The following SPAG16 variants were observed in gnomAD, a reference collection of about 807,000 sequenced individuals.
The protein encoded by SPAG16 is sperm associated antigen 16, also known as sperm-associated antigen 16 protein.
A neutral mutation model predicts 80.4 loss-of-function variants in SPAG16; 86 were observed. The observed-to-expected ratio is 1.07, with a 90% CI of 0.90 to 1.28. The LOEUF is 1.28. SPAG16 is among the 50% of genes most tolerant of loss of function. The probability of loss-of-function intolerance (pLI) is 0.00; values close to 1 mark genes in which losing one functional copy is unlikely to be tolerated. For missense variants in SPAG16, 870 were observed against 765.3 expected, an observed-to-expected ratio of 1.14 and a Z score of -1.61; for synonymous variants, 294 against 265.9, an observed-to-expected ratio of 1.11 and a Z score of -1.03.
chr2:214,205,074 C>G (rs919624731), intron 15 of SPAG16, among the ~76,000 whole-genome samples: 4 of 152,008 alleles, frequency 2.6e-5, no homozygotes, highest in Non-Finnish European at 5.9e-5. Flanking sequence ...ACTAAAAATA[C>G]AAAAATTAGC....
intron 10 of SPAG16, among the ~76,000 whole-genome samples, chr2:213,793,978 C>T (rs1030982621): frequency 2.0e-5 from 3 of 152,128 alleles, no homozygotes; most frequent in Non-Finnish European, 4.4e-5. Flanking sequence ...AATTTAACCA[C>T]GTCTTTTGTT....
chr2:213,733,599 G>A (rs1364880565), intron 10 of SPAG16, among the ~76,000 whole-genome samples: 1 of 150,980 alleles, frequency 6.6e-6, no homozygotes, highest in Admixed American at 6.6e-5. Flanking sequence ...CAAGACTATG[G>A]CCTCCAAGAC....
intron 11 of SPAG16, among the ~76,000 whole-genome samples, chr2:213,900,204 G>A (rs904098771): frequency 3.3e-5 from 5 of 152,068 alleles, no homozygotes; most frequent in Non-Finnish European, 5.9e-5. Flanking sequence ...CAGCTCAGAG[G>A]TCAAAAGAAG....
At chr2:213,896,613 C>CACACAT (rs372791800) in intron 11 of SPAG16, among the ~76,000 whole-genome samples, 3 of 141,444 alleles carry the variant, frequency 2.1e-5, no homozygotes, top group Non-Finnish European at 3.1e-5. Context: ...CACACACACA[C>CACACAT]ACATAGATAT....
intron 15 of SPAG16, among the ~76,000 whole-genome samples, chr2:214,246,278 A>T (rs1576586302): frequency 6.6e-6 from 1 of 152,168 alleles, no homozygotes; most frequent in African/African-American, 2.4e-5. Flanking sequence ...TGGCAGATTC[A>T]GATTGTATTT....
At chr2:213,710,931 C>T (rs555494353) in intron 10 of SPAG16, among the ~76,000 whole-genome samples, 1 of 152,182 alleles carries the variant, frequency 6.6e-6, no homozygotes, top group Non-Finnish European at 1.5e-5. Flanking sequence ...AGAAAGTAAA[C>T]AGCATCTTTT....
chr2:213,604,818 TA>T (rs1488902548), intron 10 of SPAG16, among the ~76,000 whole-genome samples: 2 of 151,820 alleles, frequency 1.3e-5, no homozygotes, highest in Non-Finnish European at 2.9e-5. Context: ...AAATTTGTAA[TA>T]TGTACACAAT....
intron 14 of SPAG16, among the ~76,000 whole-genome samples, chr2:214,131,807 G>A (rs556994245): frequency 2.0e-5 from 3 of 152,304 alleles, no homozygotes; most frequent in Non-Finnish European, 4.4e-5. Context: ...GCTGGAGGGA[G>A]GGAGGGATGA....
chr2:213,983,488 C>T (rs947830452), intron 12 of SPAG16, among the ~76,000 whole-genome samples: 1 of 151,904 alleles, frequency 6.6e-6, no homozygotes, highest in Non-Finnish European at 1.5e-5. Flanking sequence ...ATTATAACTG[C>T]TTAATGCACT....
intron 12 of SPAG16, among the ~76,000 whole-genome samples, chr2:213,945,433 CCGAGTCTCAAAA>C (rs1458496438): frequency 6.6e-6 from 1 of 151,770 alleles, no homozygotes; most frequent in Non-Finnish European, 1.5e-5. Context: ...GAGACCCAGT[CCGAGTCTCAAAA>C]CTGAAGAACG....
At chr2:214,297,628 G>A (rs1694229694) in intron 15 of SPAG16, among the ~76,000 whole-genome samples, 2 of 151,826 alleles carry the variant, frequency 1.3e-5, no homozygotes, top group Admixed American at 1.3e-4. Flanking sequence ...GCTGACATTG[G>A]AAAATATAAG....
chr2:213,456,711 A>G (rs6749110), intron 9 of SPAG16, among the ~76,000 whole-genome samples: 3,790 of 151,864 alleles, frequency 0.025, 157 homozygotes, highest in African/African-American at 0.085. Flanking sequence ...TGTTTCTCCA[A>G]ATTCTTCTTT....
At chr2:213,634,522 T>G (rs150796469) in intron 10 of SPAG16, among the ~76,000 whole-genome samples, 195 of 152,350 alleles carry the variant, frequency 1.3e-3, no homozygotes, top group African/African-American at 4.2e-3. Flanking sequence ...GTGAGTTTCA[T>G]ACATTCATGT....
In SPAG16 at chr2:213,489,578, A is replaced by G. The variant is rs182209293; in HGVS notation, c.943-385A>G. 7.4e-4 allele frequency among the ~76,000 whole-genome samples: 113 copies of G among 152,258 alleles called. 2 individuals carry two copies. The highest frequency in any genetic ancestry group is 2.7e-3 in the African/African-American group (111 of 41,498). On this transcript the variant is annotated intron_variant, in intron 9 of 15. Transcript: ENST00000331683. ...TTTAGTCGGCCATTTATAGGGGACA[A>G]AAGGGGCATAAGAATTGTAGACTTT... is the stretch of plus-strand genomic sequence containing the variant.
chr2:214,363,532 C>T (rs1699305935), intron 15 of SPAG16, among the ~76,000 whole-genome samples: 2 of 151,868 alleles, frequency 1.3e-5, no homozygotes, highest in South Asian at 2.1e-4. Context: ...AATTAAAATG[C>T]AATAGGTTAA....
chr2:213,392,408 C>T (rs779862195), intron 9 of SPAG16, among the ~76,000 whole-genome samples: 19 of 152,244 alleles, frequency 1.2e-4, no homozygotes, highest in Non-Finnish European at 2.8e-4. Context: ...GTAAATATTA[C>T]ACCAAAATGT....
chr2:213,906,919 A>G (rs1270780228), intron 11 of SPAG16, among the ~76,000 whole-genome samples: 1 of 151,924 alleles, frequency 6.6e-6, no homozygotes, highest in African/African-American at 2.4e-5. Context: ...TAGAAGAAAC[A>G]TAAGAGAAAT....
intron 10 of SPAG16, among the ~76,000 whole-genome samples, chr2:213,795,808 C>T (rs1311384150): frequency 1.3e-5 from 2 of 152,168 alleles, no homozygotes; most frequent in Non-Finnish European, 2.9e-5. Flanking sequence ...TAAAACGTAC[C>T]TGCTTTTCCT....
intron 14 of SPAG16, among the ~76,000 whole-genome samples, chr2:214,117,389 G>A (rs2053986841): frequency 1.3e-5 from 2 of 152,150 alleles, no homozygotes; most frequent in Non-Finnish European, 2.9e-5. Flanking sequence ...AAGCTCAGAA[G>A]TAGGCTTCAC....
Sources: allele counts gnomAD v4.1 joint callset (sites outside exome capture counted in the v4.1 genomes callset), GRCh38; gene constraint gnomAD v4.1.1; transcripts MANE v1.5; gene names NCBI Gene and HGNC (gene_info 2026-07-23, HGNC 2026-07-21).